The following AGT variants were observed in gnomAD, a reference collection of about 807,000 sequenced individuals.
The protein encoded by AGT is alpha-1 antiproteinase, antitrypsin.
AGT carries 26 observed loss-of-function variants against 28.1 expected under a neutral mutation model. The observed-to-expected ratio is 0.92, with a 90% CI of 0.68 to 1.28. The LOEUF (loss-of-function observed/expected upper bound fraction) is 1.28. AGT is among the 50% of genes most tolerant of loss of function. The pLI is 0.00. For missense variants in AGT, 596 were observed against 592.3 expected, an observed-to-expected ratio of 1.01 and a Z score of -0.06; for synonymous variants, 259 against 259.6, an observed-to-expected ratio of 1.00 and a Z score of 0.02.
intron 2 of AGT, among the ~76,000 whole-genome samples, chr1:230,707,889 C>G (rs1663441258): frequency 6.6e-6 from 1 of 152,158 alleles, no homozygotes; most frequent in African/African-American, 2.4e-5. Context: ...TGGAAACCAC[C>G]AGGGCCAGCG....
Position 230,710,288 on chromosome 1 carries a change from T to A in AGT, c.536A>T (p.Gln179Leu), listed in dbSNP as rs367753353. The change falls in exon 2 of 5, where the codon CAG becomes CTG. Residue 179 changes from glutamine to leucine, a missense_variant. By Grantham distance (113) the Gln-to-Leu change is moderately radical. Coordinates refer to ENST00000366667, the MANE Select transcript of AGT (RefSeq NM_001384479.1). ...HKVLSALQAV[Q>L]GLLVAQGRAD... ...CCTGCCCTGGGCCACTAGCAGGCCC[T>A]GTACAGCCTGCAGGGCAGACAGGAC... is the stretch of plus-strand genomic sequence containing the variant. The A allele has an allele frequency of 6.8e-6, 11 of 1,613,810 alleles. No homozygotes were observed. Among genetic ancestry groups the A allele is most frequent in the Non-Finnish European group, 9.3e-6 (11 of 1,180,026 alleles).
intron 1 of AGT, among the ~76,000 whole-genome samples, chr1:230,722,532 C>T (rs1004098482): frequency 1.3e-5 from 2 of 152,238 alleles, no homozygotes. Flanking sequence ...GTGAAAGCAG[C>T]CAGGAAGGGG....
intron 1 of AGT, among the ~76,000 whole-genome samples, chr1:230,731,439 G>C (rs1475013925): frequency 6.6e-6 from 1 of 152,202 alleles, no homozygotes; most frequent in Non-Finnish European, 1.5e-5. Flanking sequence ...ATTGCAATGA[G>C]AGGAAACTCC....
chr1:230,704,090 T>C, intron 4 of AGT, 103 bp downstream of exon 4: 2 of 1,575,392 alleles, frequency 1.3e-6, no homozygotes, highest in Non-Finnish European at 1.7e-6. Flanking sequence ...CCTCTTGCCC[T>C]GCTGGCCCCA....
At chr1:230,711,404 A>C (rs558180558) in intron 1 of AGT, among the ~76,000 whole-genome samples, 1 of 152,240 alleles carries the variant, frequency 6.6e-6, no homozygotes, top group African/African-American at 2.4e-5. Context: ...CAGAACTGTG[A>C]GATAACACAT....
chr1:230,714,031 AG>A (rs1318659043), intron 1 of AGT, 54 bp downstream of exon 1: 4 of 152,312 alleles, frequency 2.6e-5, no homozygotes, highest in Admixed American at 6.5e-5. Flanking sequence ...CCCACAGCTC[AG>A]TTACATCTGA....
intron 3 of AGT, among the ~76,000 whole-genome samples, chr1:230,704,762 G>A (rs1663334822): frequency 6.6e-6 from 1 of 152,224 alleles, no homozygotes; most frequent in South Asian, 2.1e-4. Flanking sequence ...TCAACCTCGT[G>A]CTGGACACGT....
At chr1:230,742,580 G>T (rs1305242425) in intron 1 of AGT, among the ~76,000 whole-genome samples, 3 of 152,192 alleles carry the variant, frequency 2.0e-5, no homozygotes, top group African/African-American at 7.2e-5. Flanking sequence ...CTCCCAAAGT[G>T]CTGGGATTAC....
intron 1 of AGT, among the ~76,000 whole-genome samples, chr1:230,735,902 C>T (rs1388987268): frequency 2.6e-5 from 4 of 152,228 alleles, no homozygotes; most frequent in African/African-American, 9.6e-5. Context: ...ATCGATTAAA[C>T]ACTCCTCCAA....
chr1:230,735,221 C>G (rs1418491420), intron 1 of AGT, among the ~76,000 whole-genome samples: 2 of 152,096 alleles, frequency 1.3e-5, no homozygotes, highest in African/African-American at 4.8e-5. Flanking sequence ...CTTCCACTAC[C>G]TCCCAGAGCA....
chr1:230,715,629 C>G (rs1477066040), upstream of AGT, among the ~76,000 whole-genome samples: 1 of 152,180 alleles, frequency 6.6e-6, no homozygotes, highest in Non-Finnish European at 1.5e-5. Flanking sequence ...CCTGGCTGTG[C>G]CACTAACTAG....
At chr1:230,742,384 C>T (rs185214935) in intron 1 of AGT, among the ~76,000 whole-genome samples, 3 of 152,322 alleles carry the variant, frequency 2.0e-5, no homozygotes, top group East Asian at 1.9e-4. Context: ...AGCACCATCT[C>T]GGCTCACTGC....
intron 1 of AGT, among the ~76,000 whole-genome samples, chr1:230,744,560 C>T (rs1291115873): frequency 1.3e-5 from 2 of 152,320 alleles, no homozygotes; most frequent in African/African-American, 2.4e-5. Context: ...GGAATTCCAG[C>T]TGTGGTTCTG....
chr1:230,707,397 G>T (rs918013774), intron 2 of AGT, among the ~76,000 whole-genome samples: 2 of 152,248 alleles, frequency 1.3e-5, no homozygotes, highest in Non-Finnish European at 2.9e-5. Flanking sequence ...AGTCTGAGTA[G>T]AGATGGTTCA....
intron 1 of AGT, among the ~76,000 whole-genome samples, chr1:230,736,494 G>C (rs1489859598): frequency 6.6e-6 from 1 of 152,162 alleles, no homozygotes; most frequent in African/African-American, 2.4e-5. Context: ...ACTCCAGCCT[G>C]GGTGACAGAG....
intron 1 of AGT, among the ~76,000 whole-genome samples, chr1:230,732,139 G>A (rs919108798): frequency 2.6e-5 from 4 of 152,170 alleles, no homozygotes; most frequent in African/African-American, 9.6e-5. Flanking sequence ...TTTATGTACA[G>A]AAAGCATTAT....
chr1:230,722,092 C>T (rs989683270), intron 1 of AGT, among the ~76,000 whole-genome samples: 11 of 152,232 alleles, frequency 7.2e-5, no homozygotes, highest in Admixed American at 5.9e-4. Context: ...CTCTGTGCAG[C>T]CTCTGGACTT....
At chr1:230,709,453 A>AG (rs56013657) in intron 2 of AGT, among the ~76,000 whole-genome samples, 2 of 149,234 alleles carry the variant, frequency 1.3e-5, no homozygotes, top group African/African-American at 5.0e-5. Context: ...AAAAAAAAAA[A>AG]TCAACAATCT....
At chr1:230,730,056 G>A (rs966505002) in intron 1 of AGT, among the ~76,000 whole-genome samples, 1 of 152,010 alleles carries the variant, frequency 6.6e-6, no homozygotes, top group Non-Finnish European at 1.5e-5. Context: ...AGCTACTCAG[G>A]AGGCTCCTGA....
Sources: allele counts gnomAD v4.1 joint callset (sites outside exome capture counted in the v4.1 genomes callset), GRCh38; gene constraint gnomAD v4.1.1; transcripts MANE v1.5; gene names NCBI Gene and HGNC (gene_info 2026-07-23, HGNC 2026-07-21).